Variants in HSP90AB1 observed in about 807,000 individuals in gnomAD.
HSP90AB1 encodes the protein heat shock protein HSP 90-beta.
In HSP90AB1, 17 loss-of-function variants were observed where a neutral mutation model predicts 67.8. The observed-to-expected ratio is 0.25, with a 90% CI of 0.17 to 0.38. HSP90AB1 has a LOEUF of 0.38. HSP90AB1 is among the 10% of genes least tolerant of loss of function. The pLI is 1.00. For missense variants in HSP90AB1, 690 were observed against 899.9 expected (o/e 0.77, Z 2.98); for synonymous variants, 390 against 312.9 (o/e 1.25, Z -2.60).
chr6:44,249,470 G>C lies in HSP90AB1; in HGVS notation c.241G>C (p.Glu81Gln). The C allele has an allele frequency of 6.2e-7, 1 of 1,614,038 alleles. No homozygotes were observed. The highest frequency in any genetic ancestry group is 8.5e-7 in the Non-Finnish European group (1 of 1,179,924). Residue 81 changes from glutamate (E) to glutamine (Q), a missense_variant, in exon 3 of 12, where the codon GAA becomes CAA. Physicochemically the swap from Glu to Gln is conservative, Grantham distance 29. This residue lies in a region of HSP90AB1 where 88 missense variants were observed against 167.7 expected (regional missense o/e 0.52). Transcript: ENST00000371646. ...LKIDIIPNPQ[E>Q]RTLTLVDTGI... ...AATTGACATCATCCCCAACCCTCAG[G>C]AACGTACCCTGACTTTGGTAGACAC...
chr6:44,249,867 G>T, intron 4 of HSP90AB1, 33 bp downstream of exon 4: 1 of 1,597,906 alleles, frequency 6.3e-7, no homozygotes, highest in Non-Finnish European at 8.5e-7. Flanking sequence ...AGGTAGTTGG[G>T]TTAGGATTTT....
rs908578904 is a variant in HSP90AB1, at chr6:44,247,228, C to G, written c.-1+33C>G. ...TGAGATCTCCGCTAGGCTTCTTTCC[C>G]TTTAGTGCTGTATTCGTGTTGTTTT... is the stretch of plus-strand genomic sequence containing the variant. On this transcript the variant is annotated intron_variant, in intron 1 of 11. Coordinates refer to ENST00000371646, the MANE Select transcript of HSP90AB1 (RefSeq NM_007355.4). The G allele has an allele frequency of 2.0e-5, 3 of 152,208 alleles. No homozygotes were observed. In the East Asian group the frequency reaches 5.8e-4, roughly 29 times the overall value. The allele number at this position is 152,208 out of a possible 1,614,324, so 9.4% of individuals were successfully genotyped here.
chr6:44,246,461 A>T (rs980711956), upstream of HSP90AB1: 3 of 152,600 alleles, frequency 2.0e-5, no homozygotes, highest in African/African-American at 7.3e-5. Context: ...AAACTGCTGG[A>T]AATGCCGCAG....
chr6:44,252,341 C>T lies in HSP90AB1; in HGVS notation c.1731+74C>T, dbSNP rs1420686890. 9 of 1,353,964 alleles carry T rather than the reference C, an allele frequency of 6.6e-6. No homozygotes were observed. In the African/African-American group the frequency reaches 1.3e-4, roughly 19 times the overall value. 83.9% of individuals were successfully genotyped at this position (1,353,964 alleles called of 1,614,324 possible). A position where few individuals can be genotyped will look rare whatever the true frequency, so the allele number is the denominator to read the frequency against. On this transcript the variant is annotated intron_variant, in intron 10 of 11. Transcript: ENST00000371646. Reference sequence around the variant, plus strand: ...GCTCCCTCACAAGCATGTTTCTATACAATTAGTGGTTTGAGGCAGCCTATT... The same window carrying T: ...GCTCCCTCACAAGCATGTTTCTATATAATTAGTGGTTTGAGGCAGCCTATT...
rs1780663586 is a variant in HSP90AB1 at position 44,251,726 on chromosome 6, C to T, written c.1315-11C>T. ...TAAGCTGGATTGTTTTTCCTCTTCCCACCCTTCAAGCTTGGAATCCACGAA... is the reference window on the plus strand; with the variant it reads ...TAAGCTGGATTGTTTTTCCTCTTCCTACCCTTCAAGCTTGGAATCCACGAA... On this transcript the variant is annotated splice_polypyrimidine_tract_variant and intron_variant, in intron 8 of 11. Transcript: ENST00000371646. The T allele has an allele frequency of 1.2e-6, 2 of 1,611,040 alleles. No homozygotes were observed. The highest frequency in any genetic ancestry group is 1.7e-6 in the Non-Finnish European group (2 of 1,178,498).
At chr6:44,246,742 C>T (rs1031034383), upstream of HSP90AB1, among the ~76,000 whole-genome samples, 2 of 152,092 alleles carry the variant, frequency 1.3e-5, no homozygotes, top group Admixed American at 6.5e-5. Flanking sequence ...TTTCGGTGTC[C>T]CCCCCAGTCC....
Position 44,253,611 on chromosome 6 carries a change from T to C in HSP90AB1, c.*13T>C. 6.2e-7 allele frequency: 1 copy of C among 1,605,690 alleles called. No individual in the cohort carries two copies. The highest frequency in any genetic ancestry group is 8.5e-7 in the Non-Finnish European group (1 of 1,172,382). On this transcript the variant is annotated 3_prime_UTR_variant, in exon 12 of 12. Transcript: ENST00000371646. ...AGAAGTCGATTAGGTTAGGAGTTCA[T>C]AGTTGGAAAACTTGTGCCCTTGTAT...
At chr6:44,249,160 G>A (rs910779395) in intron 2 of HSP90AB1, among the ~76,000 whole-genome samples, 1 of 152,036 alleles carries the variant, frequency 6.6e-6, no homozygotes, top group African/African-American at 2.4e-5. Context: ...GGGCAACCGC[G>A]AGACCTTGTC....
Position 44,253,805 on chromosome 6 carries a change from G to A in HSP90AB1, c.*207G>A, listed in dbSNP as rs888533951. ...TCTTGACAGCAGGATTGGATGTTGT[G>A]TATTGTGGTTTATTTTATTTTCTTC... On this transcript the variant is annotated 3_prime_UTR_variant, in exon 12 of 12. Coordinates refer to ENST00000371646, the MANE Select transcript of HSP90AB1 (RefSeq NM_007355.4). The A allele has an allele frequency of 2.6e-6, 2 of 770,608 alleles. No homozygotes were observed. The highest frequency in any genetic ancestry group is 1.7e-5 in the African/African-American group (1 of 59,024). The allele number at this position is 770,608 out of a possible 1,614,324, so 47.7% of individuals were successfully genotyped here.
rs370393715 is a variant in HSP90AB1 at position 44,251,131 on chromosome 6, G to A, written c.1041G>A (p.Lys347=). 26 of 1,614,112 alleles carry A rather than the reference G, an allele frequency of 1.6e-5. No individual in the cohort carries two copies. The East Asian group carries it at 2.0e-4, about 12-fold the overall frequency. ...CTCCCTTTGACCTTTTTGAGAACAA[G>A]AAGAAAAAGAACAACATCAAACTCT... The part of the protein sequence containing the change: ...RRAPFDLFEN[K]KKKNNIKLYV... Residue 347 remains lysine (K), a synonymous_variant, in exon 7 of 12, where the codon AAG becomes AAA. Coordinates refer to ENST00000371646, the MANE Select transcript of HSP90AB1 (RefSeq NM_007355.4).
At chr6:44,250,720 C>T in intron 6 of HSP90AB1, 121 bp downstream of exon 6, 2 of 660,060 alleles carry the variant, frequency 3.0e-6, no homozygotes, top group Non-Finnish European at 5.4e-6. Flanking sequence ...ATGTGATAGC[C>T]ATGTGATTTC....
chr6:44,250,789 T>C (rs1316941091), intron 6 of HSP90AB1, among the ~76,000 whole-genome samples, 190 bp downstream of exon 6: 4 of 151,510 alleles, frequency 2.6e-5, no homozygotes, highest in Admixed American at 6.6e-5. Flanking sequence ...TCACTTTCTC[T>C]TCTTATGGAA....
chr6:44,251,852 A>T lies in HSP90AB1; in HGVS notation c.1430A>T (p.Lys477Met), dbSNP rs749061618. Reference sequence around the variant, plus strand: ...CTGTCAGAGTATGTTTCTCGCATGAAGGAGACACAGAAGTCCATCTATTAC... The same window carrying T: ...CTGTCAGAGTATGTTTCTCGCATGATGGAGACACAGAAGTCCATCTATTAC... ...TSLSEYVSRM[K>M]ETQKSIYYIT... Residue 477 changes from lysine (K) to methionine (M), a missense_variant, in exon 9 of 12, where the codon AAG becomes ATG. Transcript: ENST00000371646. The T allele has an allele frequency of 1.2e-6, 2 of 1,613,014 alleles. No individual in the cohort carries two copies. Among genetic ancestry groups the T allele is most frequent in the South Asian group, 1.1e-5 (1 of 91,040 alleles).
chr6:44,252,524 C>G (rs10456531), intron 10 of HSP90AB1, among the ~76,000 whole-genome samples: 2,429 of 151,660 alleles, frequency 0.016, 28 homozygotes, highest in Non-Finnish European at 0.028. Context: ...GAGATGGGGT[C>G]TCGCTCTGTC....
rs751352318 is a variant in HSP90AB1, at chr6:44,252,277, T to G, written c.1731+10T>G. ...TAAGAAGGTTGAGAAGGTAAGCCATTCTGGGGCTAGGATATATTTTGTAAC... is the reference window on the plus strand; with the variant it reads ...TAAGAAGGTTGAGAAGGTAAGCCATGCTGGGGCTAGGATATATTTTGTAAC... On this transcript the variant is annotated intron_variant, in intron 10 of 11. Transcript: ENST00000371646. 2 of 1,611,586 alleles carry G rather than the reference T, an allele frequency of 1.2e-6. No individual in the cohort carries two copies. The highest frequency in any genetic ancestry group is 4.5e-5 in the East Asian group (2 of 44,862).
chr6:44,251,069 T>C lies in HSP90AB1; in HGVS notation c.979T>C (p.Leu327=). The change falls in exon 7 of 12, where the codon TTG becomes CTG. Residue 327 remains leucine (L), a synonymous_variant. Transcript: ENST00000371646. ...AVKHFSVEGQ[L]EFRALLFIPR... ...TCAGCACTTTTCTGTAGAAGGTCAG[T>C]TGGAATTCAGGGCATTGCTATTTAT... The C allele has an allele frequency of 6.2e-7, 1 of 1,614,126 alleles. No individual in the cohort carries two copies.
intron 1 of HSP90AB1, among the ~76,000 whole-genome samples, chr6:44,248,373 T>C (rs545346547): frequency 7.2e-5 from 11 of 152,366 alleles, no homozygotes; most frequent in Non-Finnish European, 1.3e-4. Context: ...CACCATTCTT[T>C]AAGTAGGTGG....
intron 10 of HSP90AB1, 133 bp from the exon 11 acceptor site, chr6:44,252,912 C>T: frequency 2.9e-6 from 2 of 680,316 alleles, no homozygotes; most frequent in East Asian, 2.7e-5. Flanking sequence ...CAGGGTTTTG[C>T]CATGTTGGCC....
At position 44,250,173 on chromosome 6, in the gene HSP90AB1, A is replaced by G. The variant is rs9369468; in HGVS notation, c.648+19A>G. On this transcript the variant is annotated intron_variant, in intron 5 of 11. Coordinates refer to ENST00000371646, the MANE Select transcript of HSP90AB1 (RefSeq NM_007355.4). ...CCTTTATGTGAGTATGGACTTTTAA[A>G]TCTTTTACACTTAACGTGCAGGATG... 0.027 allele frequency: 43,745 copies of G among 1,614,016 alleles called. 709 individuals carry two copies. The highest frequency in any genetic ancestry group is 0.034 in the Non-Finnish European group (39,778 of 1,179,934).
Sources: gnomAD v4.1 joint callset for allele counts (sites outside exome capture counted in the v4.1 genomes callset) on GRCh38, gnomAD v4.1.1 for gene constraint, gnomAD v4.1.1 regional missense constraint, MANE v1.5 for transcripts, NCBI Gene and HGNC (gene_info 2026-07-23, HGNC 2026-07-21) for gene names.